Variants in MCPH1 observed in about 807,000 individuals in gnomAD.
MCPH1 encodes microcephalin 1.
MCPH1 carries 104 observed loss-of-function variants against 84.5 expected under a neutral mutation model. That is an observed-to-expected ratio of 1.23 (90% CI 1.05 to 1.45). The LOEUF is 1.45. Among genes scored for constraint, MCPH1 ranks in the 40% most tolerant of loss-of-function variants. The pLI is 0.00. For synonymous variants in MCPH1, 514 were observed against 366.8 expected (o/e 1.40, Z -4.58); for missense variants, 1,498 against 1,005.7 (o/e 1.49, Z -6.62).
At chr8:6,476,696 A>G (rs931995903) in intron 9 of MCPH1, among the ~76,000 whole-genome samples, 1 of 152,150 alleles carries the variant, frequency 6.6e-6, no homozygotes, top group African/African-American at 2.4e-5. Context: ...ATTTTCGTCA[A>G]CCCTGGGGTC....
At chr8:6,446,260 G>T in intron 8 of MCPH1, 10 of 981,928 alleles carry the variant, frequency 1.0e-5, no homozygotes, top group Non-Finnish European at 1.2e-5. Flanking sequence ...GCACAAATAG[G>T]TTCCAGCAAC....
intron 12 of MCPH1, among the ~76,000 whole-genome samples, chr8:6,584,584 C>T (rs553391293): frequency 1.3e-5 from 2 of 152,096 alleles, no homozygotes; most frequent in African/African-American, 4.8e-5. Flanking sequence ...ATCATTATAA[C>T]CGGGGGAGGA....
intron 8 of MCPH1, among the ~76,000 whole-genome samples, chr8:6,453,150 G>C (rs973642774): frequency 1.3e-5 from 2 of 152,196 alleles, no homozygotes; most frequent in African/African-American, 4.8e-5. Context: ...GGAGAGTCAG[G>C]AAGAGGAGGG....
intron 12 of MCPH1, among the ~76,000 whole-genome samples, chr8:6,534,710 G>C (rs1820186350): frequency 6.6e-6 from 1 of 152,122 alleles, no homozygotes; most frequent in African/African-American, 2.4e-5. Flanking sequence ...TCTATTATAG[G>C]CTTCATAAAA....
In MCPH1 at chr8:6,485,274, G is replaced by A. The variant is rs557702189; in HGVS notation, c.2136+4398G>A. 4.6e-5 allele frequency among the ~76,000 whole-genome samples: 7 copies of A among 151,976 alleles called. No individual in the cohort carries two copies. In the South Asian group the frequency reaches 6.2e-4, roughly 14 times the overall value. ...TGGAGGGAGGAGGTTGCAGTGAGCCGAGATCACGCCACTGCACTCCAGCCT... is the reference window on the plus strand; with the variant it reads ...TGGAGGGAGGAGGTTGCAGTGAGCCAAGATCACGCCACTGCACTCCAGCCT... On this transcript the variant is annotated intron_variant, in intron 11 of 13. Transcript: ENST00000344683.
chr8:6,413,733 A>C (rs1585584046), intron 2 of MCPH1, among the ~76,000 whole-genome samples: 1 of 149,688 alleles, frequency 6.7e-6, no homozygotes, highest in Non-Finnish European at 1.5e-5. Context: ...TCTTCTGATC[A>C]TGTTGCGTGA....
At chr8:6,468,133 G>C (rs1807220148) in intron 9 of MCPH1, among the ~76,000 whole-genome samples, 1 of 152,180 alleles carries the variant, frequency 6.6e-6, no homozygotes, top group Non-Finnish European at 1.5e-5. Context: ...AGGATCCAGA[G>C]CTCAGAGGCA....
At chr8:6,479,110 G>A (rs1433591093) in intron 10 of MCPH1, among the ~76,000 whole-genome samples, 1 of 152,036 alleles carries the variant, frequency 6.6e-6, no homozygotes, top group Middle Eastern at 3.2e-3. Flanking sequence ...ACAAAAAAAT[G>A]CAAAAGTTAG....
At chr8:6,446,983 C>T (rs922739887) in intron 8 of MCPH1, 8 of 985,138 alleles carry the variant, frequency 8.1e-6, no homozygotes, top group Non-Finnish European at 4.8e-6. Flanking sequence ...GGTTTTTTCG[C>T]TCAGTGGTGC....
Position 6,481,887 on chromosome 8 carries a change from T to G in MCPH1, c.2136+1011T>G, listed in dbSNP as rs139187933. 3.1e-3 allele frequency among the ~76,000 whole-genome samples: 477 copies of G among 152,322 alleles called. 4 individuals are homozygous for G. Among genetic ancestry groups the G allele is most frequent in the African/African-American group, 0.011 (447 of 41,564 alleles). On this transcript the variant is annotated intron_variant, in intron 11 of 13. Coordinates refer to ENST00000344683, the MANE Select transcript of MCPH1 (RefSeq NM_024596.5). ...GGGTTTTGTTTTGTGTAGTTTCAGG[T>G]ACCATGGTCTGAAAATATTAAATGG...
chr8:6,616,387 C>T (rs1830793835), intron 12 of MCPH1: 1 of 152,204 alleles, frequency 6.6e-6, no homozygotes, highest in Non-Finnish European at 1.5e-5. Flanking sequence ...TTCCTTGAAG[C>T]TAGAAGCCAT....
At chr8:6,448,302 C>A (rs552107797) in intron 8 of MCPH1, among the ~76,000 whole-genome samples, 55 of 152,272 alleles carry the variant, frequency 3.6e-4, no homozygotes, top group African/African-American at 1.3e-3. Context: ...CTGGAGGTAA[C>A]AGCAGGAACA....
intron 9 of MCPH1, among the ~76,000 whole-genome samples, chr8:6,470,186 A>G (rs182501941): frequency 1.2e-3 from 176 of 152,328 alleles, no homozygotes; most frequent in Non-Finnish European, 2.0e-3. Context: ...ATATATTGCT[A>G]ATAATAAGAT....
intron 12 of MCPH1, 199 bp downstream of exon 12, chr8:6,500,128 A>G: frequency 1.7e-6 from 1 of 583,786 alleles, no homozygotes; most frequent in Non-Finnish European, 3.1e-6. Context: ...TTGTGCAAAA[A>G]GTAGTGAGGA....
rs1269068071 is a variant in MCPH1 at position 6,409,278 on chromosome 8, G to C, written c.23-1G>C. 1.9e-6 allele frequency: 3 copies of C among 1,610,102 alleles called. No homozygotes were observed. The highest frequency in any genetic ancestry group is 2.6e-6 in the Non-Finnish European group (3 of 1,176,320). The stretch of plus-strand genomic sequence containing the variant: ...GTTTCATGTTCATATCTTGTTTTCA[G>C]ATGTAGTGGCCTATGTTGAAGTGTG... On this transcript the variant is annotated splice_acceptor_variant, in intron 1 of 13. Transcript: ENST00000344683. LOFTEE classifies it high-confidence loss of function.
intron 12 of MCPH1, among the ~76,000 whole-genome samples, chr8:6,603,482 C>A (rs1285073079): frequency 6.6e-6 from 1 of 152,224 alleles, no homozygotes; most frequent in Non-Finnish European, 1.5e-5. Flanking sequence ...AACACATACC[C>A]TTTGCTCGAA....
chr8:6,553,404 T>C (rs1824017414), intron 12 of MCPH1, among the ~76,000 whole-genome samples: 1 of 152,220 alleles, frequency 6.6e-6, no homozygotes, highest in South Asian at 2.1e-4. Context: ...GATGGTTACA[T>C]AGTTAAAAGT....
At chr8:6,427,509 C>A (rs1321053475) in intron 3 of MCPH1, among the ~76,000 whole-genome samples, 2 of 152,024 alleles carry the variant, frequency 1.3e-5, no homozygotes, top group Admixed American at 1.3e-4. Flanking sequence ...GGAGCTGGGA[C>A]TACAGGCGTG....
chr8:6,447,571 A>C (rs1034343531), intron 8 of MCPH1, among the ~76,000 whole-genome samples: 12 of 152,158 alleles, frequency 7.9e-5, no homozygotes, highest in African/African-American at 2.9e-4. Flanking sequence ...TTTTTTTGAG[A>C]CATAGTCTCG....
Sources: gnomAD v4.1 joint callset for allele counts (sites outside exome capture counted in the v4.1 genomes callset) on GRCh38, gnomAD v4.1.1 for gene constraint, MANE v1.5 for transcripts, NCBI Gene and HGNC (gene_info 2026-07-23, HGNC 2026-07-21) for gene names.